Variants in GANC observed in about 807,000 individuals in gnomAD.
The protein encoded by GANC is glucosidase alpha, neutral C, also known as neutral alpha-glucosidase C.
A neutral mutation model predicts 124.2 loss-of-function variants in GANC; 117 were observed. The ratio of observed to expected loss-of-function variants is 0.94; its 90% confidence interval spans 0.81 to 1.10. GANC has a LOEUF of 1.10. Ranked by LOEUF, GANC falls within the 50% of genes least tolerant of loss-of-function variation. The pLI, the probability that GANC is intolerant of heterozygous loss-of-function variation, is 0.00. For missense variants in GANC, 1,140 were observed against 1,095.0 expected (o/e 1.04, Z -0.58); for synonymous variants, 377 against 376.8 (o/e 1.00, Z -0.01).
chr15:42,309,073 G>A lies in GANC; in HGVS notation c.722+755G>A, dbSNP rs555099843. Reference sequence around the variant, plus strand: ...CTCATATCACCTTTAGTTTCCTCAGGGATATCATGTCAGGCTAACACTATT... The same window carrying A: ...CTCATATCACCTTTAGTTTCCTCAGAGATATCATGTCAGGCTAACACTATT... On this transcript the variant is annotated intron_variant, in intron 8 of 23. Transcript: ENST00000318010. 2.0e-5 allele frequency among the ~76,000 whole-genome samples: 3 copies of A among 152,246 alleles called. No individual in the cohort carries two copies. The East Asian group carries it at 5.8e-4, about 29-fold the overall frequency.
At chr15:42,314,096 G>A (rs767262787) in intron 10 of GANC, 30 of 727,850 alleles carry the variant, frequency 4.1e-5, no homozygotes, top group Non-Finnish European at 6.8e-5. Context: ...GAGAAAAATA[G>A]CTCTCAGTCT....
intron 10 of GANC, among the ~76,000 whole-genome samples, chr15:42,316,996 T>C (rs190536954): frequency 6.6e-6 from 1 of 152,378 alleles, no homozygotes; most frequent in East Asian, 1.9e-4. Context: ...ATGTTTACGC[T>C]AATGATTGAT....
chr15:42,313,870 C>T lies in GANC; in HGVS notation c.1057+3024C>T, dbSNP rs1302524358. 1.4e-5 allele frequency: 8 copies of T among 570,580 alleles called. No individual in the cohort carries two copies. In the Admixed American group the frequency reaches 2.0e-4, roughly 14 times the overall value. The allele number at this position is 570,580 out of a possible 1,614,324, so 35.3% of individuals were successfully genotyped here. A position where few individuals can be genotyped will look rare whatever the true frequency, so the allele number is the denominator to read the frequency against. On this transcript the variant is annotated intron_variant, in intron 10 of 23. Transcript: ENST00000318010. ...TCCTTGAATTCAAGTAATCCTCTGC[C>T]TTGCTTCCCAGAGAAAGGCTGCAGT...
chr15:42,307,932 TTTATATA>T (rs2052013948), intron 7 of GANC, among the ~76,000 whole-genome samples: 1 of 152,180 alleles, frequency 6.6e-6, no homozygotes, highest in African/African-American at 2.4e-5. Context: ...GTAATGATGT[TTTATATA>T]GAGACGAGAT....
rs751937373 is a variant in GANC at position 42,273,392 on chromosome 15, C to T, written c.-1090C>T. On this transcript the variant is annotated 5_prime_UTR_variant, in exon 1 of 24. Coordinates refer to ENST00000318010, the MANE Select transcript of GANC (RefSeq NM_198141.3). ...GGCAACACCTGAAGCCACGCAGCCGCCGCCATCTTCACAGCCGTGGAGTGC... is the reference window on the plus strand; with the variant it reads ...GGCAACACCTGAAGCCACGCAGCCGTCGCCATCTTCACAGCCGTGGAGTGC... 3.1e-6 allele frequency: 5 copies of T among 1,613,978 alleles called. No individual in the cohort carries two copies. The African/African-American group carries it at 5.3e-5, about 17-fold the overall frequency.
At position 42,308,327 on chromosome 15, in the gene GANC, AAAC is replaced by A; in HGVS notation, c.722+12_722+14del. 1 of 1,557,932 alleles carries A rather than the reference AAAC, an allele frequency of 6.4e-7. No homozygotes were observed. Among genetic ancestry groups the A allele is most frequent in the South Asian group, 1.1e-5 (1 of 89,020 alleles). On this transcript the variant is annotated intron_variant, in intron 8 of 23. Coordinates refer to ENST00000318010, the MANE Select transcript of GANC (RefSeq NM_198141.3). Reference sequence around the variant, plus strand: ...CAACTTAAAAATACTGGGTAAGTGAAAACAAGAATTCTTATGGGAGTCTCTGGT... The same window carrying A: ...CAACTTAAAAATACTGGGTAAGTGAAAAGAATTCTTATGGGAGTCTCTGGT...
rs371943359 is a variant in GANC at position 42,340,066 on chromosome 15, G to A, written c.2087+154G>A. ...TTTCAATAAGCTTATTGAGCAGCGC[G>A]GTGAACAGGGTGCTGGCTGTTGGGG... is the stretch of plus-strand genomic sequence containing the variant. On this transcript the variant is annotated intron_variant, in intron 17 of 23. Transcript: ENST00000318010. Among the ~76,000 whole-genome samples the A allele has an allele frequency of 1.5e-4, 23 of 152,316 alleles. 1 individual carries two copies. The East Asian group carries it at 2.5e-3, about 17-fold the overall frequency.
intron 10 of GANC, 130 bp downstream of exon 10, chr15:42,310,976 A>G: frequency 1.0e-6 from 1 of 1,003,318 alleles, no homozygotes; most frequent in Non-Finnish European, 1.5e-6. Flanking sequence ...TTAATTAGCA[A>G]GCATTTCTGT....
At chr15:42,335,257 C>T (rs1452135669) in intron 15 of GANC, among the ~76,000 whole-genome samples, 1 of 152,036 alleles carries the variant, frequency 6.6e-6, no homozygotes, top group East Asian at 1.9e-4. Flanking sequence ...CATCAAAAAG[C>T]TTATCCACCG....
chr15:42,284,112 A>G (rs1311804167), intron 3 of GANC: 11 of 638,714 alleles, frequency 1.7e-5, no homozygotes, highest in Middle Eastern at 3.2e-4. Flanking sequence ...ATAACAGTGA[A>G]GAGTCCTGGT....
intron 23 of GANC, 68 bp from the exon 24 acceptor site, chr15:42,351,962 T>G (rs1163850017): frequency 6.3e-7 from 1 of 1,585,498 alleles, no homozygotes; most frequent in Non-Finnish European, 8.6e-7. Context: ...CATTTCAGAT[T>G]TGGAGAAAAG....
At chr15:42,280,278 C>A (rs2051718679) in intron 3 of GANC, among the ~76,000 whole-genome samples, 1 of 152,178 alleles carries the variant, frequency 6.6e-6, no homozygotes, top group Non-Finnish European at 1.5e-5. Flanking sequence ...CATTTGAGTT[C>A]TCAGCTCATG....
chr15:42,273,450 T>C lies in GANC; in HGVS notation c.-1032T>C, dbSNP rs1455542590. 6.2e-7 allele frequency: 1 copy of C among 1,607,428 alleles called. No individual in the cohort carries two copies. Among genetic ancestry groups the C allele is most frequent in the Non-Finnish European group, 8.5e-7 (1 of 1,177,362 alleles). On this transcript the variant is annotated 5_prime_UTR_variant, in exon 1 of 24. Coordinates refer to ENST00000318010, the MANE Select transcript of GANC (RefSeq NM_198141.3). ...AAGCATTTCACCCTCTTCCGGTTCGTCCCGCCTTCTTCCGGCTCTGCTCTA... is the reference window on the plus strand; with the variant it reads ...AAGCATTTCACCCTCTTCCGGTTCGCCCCGCCTTCTTCCGGCTCTGCTCTA...
chr15:42,338,028 C>T (rs2052296702), intron 15 of GANC, among the ~76,000 whole-genome samples: 2 of 151,928 alleles, frequency 1.3e-5, no homozygotes, highest in African/African-American at 4.8e-5. Context: ...CGGCACTGCA[C>T]TGCAGCCTGG....
At position 42,306,391 on chromosome 15, in the gene GANC, T is replaced by G. The variant is rs16973018; in HGVS notation, c.559-155T>G. Among the ~76,000 whole-genome samples, 1,229 of 152,338 alleles carry G rather than the reference T, an allele frequency of 8.1e-3. 9 individuals are homozygous for G. The highest frequency in any genetic ancestry group is 0.037 in the Middle Eastern group (11 of 294). On this transcript the variant is annotated intron_variant, in intron 6 of 23. Coordinates refer to ENST00000318010, the MANE Select transcript of GANC (RefSeq NM_198141.3). ...ACATGTATATAGAACACAGATTTGA[T>G]TTGTTAAAGGTACTGACGTCACACA...
chr15:42,319,140 G>A (rs926418329), intron 10 of GANC, among the ~76,000 whole-genome samples: 1 of 151,688 alleles, frequency 6.6e-6, no homozygotes, highest in Non-Finnish European at 1.5e-5. Flanking sequence ...TGCTTTCAAG[G>A]AGCTCTTTCT....
chr15:42,323,329 T>C (rs2052176022), intron 11 of GANC, among the ~76,000 whole-genome samples: 1 of 152,132 alleles, frequency 6.6e-6, no homozygotes, highest in South Asian at 2.1e-4. Context: ...GATGAGCTCC[T>C]TGTGGTCTTA....
In GANC at chr15:42,348,134, T is replaced by C. The variant is rs1473466591; in HGVS notation, c.2336T>C (p.Ile779Thr). The C allele has an allele frequency of 6.2e-7, 1 of 1,612,774 alleles. No individual in the cohort carries two copies. Among genetic ancestry groups the C allele is most frequent in the Admixed American group, 1.7e-5 (1 of 59,792 alleles). The change falls in exon 21 of 24, where the codon ATA (isoleucine) becomes ACA (threonine). Residue 779 changes from isoleucine (I) to threonine (T), a missense_variant. Ile to Thr is a moderately conservative substitution (Grantham distance 89). Transcript: ENST00000318010. ...IPVFQRGGSV[I>T]PIKTTVGKST... Reference sequence around the variant, plus strand: ...GTGTTTCAGCGAGGTGGAAGTGTGATACCAATAAAGACAACTGTAGGAAAA... The same window carrying C: ...GTGTTTCAGCGAGGTGGAAGTGTGACACCAATAAAGACAACTGTAGGAAAA...
chr15:42,297,684 AT>A (rs768391507), intron 6 of GANC, 28 bp downstream of exon 6: 6 of 1,521,614 alleles, frequency 3.9e-6, no homozygotes, highest in Middle Eastern at 1.7e-4. Context: ...ATTTATTGTT[AT>A]CTTTTTCACC....
Sources: gnomAD v4.1 joint callset for allele counts (sites outside exome capture counted in the v4.1 genomes callset) on GRCh38, gnomAD v4.1.1 for gene constraint, MANE v1.5 for transcripts, NCBI Gene and HGNC (gene_info 2026-07-23, HGNC 2026-07-21) for gene names.